AUTS2: variants seen among roughly 807,000 people sequenced by gnomAD.
The protein encoded by AUTS2 is autism susceptibility gene 2 protein.
In AUTS2, 17 loss-of-function variants were observed where a neutral mutation model predicts 112.4. The ratio of observed to expected loss-of-function variants is 0.15; its 90% CI spans 0.10 to 0.23. The LOEUF is 0.23. Ranked by LOEUF, AUTS2 falls within the 10% of genes least tolerant of loss-of-function variation. The probability of loss-of-function intolerance (pLI) is 1.00; values close to 1 mark genes in which losing one functional copy is unlikely to be tolerated. For synonymous variants in AUTS2, 751 were observed against 702.7 expected (o/e 1.07, Z -1.09); for missense variants, 1,510 against 1,701.6 (o/e 0.89, Z 1.98).
intron 4 of AUTS2, among the ~76,000 whole-genome samples, chr7:70,185,603 A>T (rs1340076830): frequency 6.6e-6 from 1 of 152,174 alleles, no homozygotes; most frequent in Non-Finnish European, 1.5e-5. Context: ...GTCACGTTTT[A>T]TGCTATTTAG....
chr7:69,921,006 T>G (rs1033323351), intron 2 of AUTS2, among the ~76,000 whole-genome samples: 2 of 152,238 alleles, frequency 1.3e-5, no homozygotes, highest in African/African-American at 4.8e-5. Flanking sequence ...TGCCATGTGT[T>G]TTTCTTGGGA....
intron 2 of AUTS2, among the ~76,000 whole-genome samples, chr7:70,004,166 ATATAAT>A (rs905964231): frequency 3.0e-5 from 4 of 131,670 alleles, no homozygotes; most frequent in African/African-American, 1.1e-4. Context: ...ATGTGAATAT[ATATAAT>A]ATGAATGTGT....
At chr7:69,672,095 T>G (rs190075629) in intron 1 of AUTS2, among the ~76,000 whole-genome samples, 1 of 152,118 alleles carries the variant, frequency 6.6e-6, no homozygotes, top group Non-Finnish European at 1.5e-5. Flanking sequence ...GTTTCATTCT[T>G]GTTGCTTAGG....
At chr7:70,292,865 C>G (rs1788770853) in intron 4 of AUTS2, 1 of 152,192 alleles carries the variant, frequency 6.6e-6, no homozygotes, top group African/African-American at 2.4e-5. Context: ...TTTCTATTAA[C>G]AGTATAAATA....
intron 1 of AUTS2, among the ~76,000 whole-genome samples, chr7:69,809,983 C>T (rs1433518784): frequency 6.6e-6 from 1 of 152,128 alleles, no homozygotes; most frequent in African/African-American, 2.4e-5. Context: ...CACATTTGAC[C>T]AGGTCATTTA....
chr7:70,507,622 C>T (rs2116723618), intron 5 of AUTS2, among the ~76,000 whole-genome samples: 1 of 152,014 alleles, frequency 6.6e-6, no homozygotes, highest in South Asian at 2.1e-4. Flanking sequence ...CATGGTGAAA[C>T]CCTGTCTCTA....
chr7:70,585,026 C>T (rs1383957337), intron 5 of AUTS2, among the ~76,000 whole-genome samples: 3 of 152,220 alleles, frequency 2.0e-5, no homozygotes, highest in Admixed American at 2.0e-4. Flanking sequence ...TCCTTTCTGG[C>T]TCCTATTTAC....
At chr7:70,137,360 T>C (rs1303313578) in intron 4 of AUTS2, among the ~76,000 whole-genome samples, 13 of 152,032 alleles carry the variant, frequency 8.6e-5, no homozygotes, top group Admixed American at 8.5e-4. Flanking sequence ...CAGCTCATAT[T>C]CTAAATATAA....
At chr7:69,635,358 A>G (rs1347679579) in intron 1 of AUTS2, among the ~76,000 whole-genome samples, 2 of 152,264 alleles carry the variant, frequency 1.3e-5, no homozygotes, top group African/African-American at 4.8e-5. Context: ...AGCACCTGCC[A>G]GTTTTAAGGG....
At chr7:70,553,064 A>C (rs1482186571) in intron 5 of AUTS2, among the ~76,000 whole-genome samples, 1 of 152,202 alleles carries the variant, frequency 6.6e-6, no homozygotes, top group East Asian at 1.9e-4. Context: ...TCTAGACCCC[A>C]GCTTACTCCT....
chr7:70,170,593 A>ATTTTT (rs1477183290), intron 4 of AUTS2, among the ~76,000 whole-genome samples: 1 of 132,484 alleles, frequency 7.5e-6, no homozygotes, highest in East Asian at 2.3e-4. Flanking sequence ...GGGACACGTT[A>ATTTTT]TCTTTTTTTT....
At chr7:70,196,826 A>G (rs1402359321) in intron 4 of AUTS2, among the ~76,000 whole-genome samples, 1 of 152,208 alleles carries the variant, frequency 6.6e-6, no homozygotes, top group Non-Finnish European at 1.5e-5. Flanking sequence ...ATTAATGGTC[A>G]GTTGCCTGTA....
At chr7:69,868,350 A>G (rs535724117) in intron 1 of AUTS2, among the ~76,000 whole-genome samples, 1 of 152,344 alleles carries the variant, frequency 6.6e-6, no homozygotes, top group Admixed American at 6.5e-5. Flanking sequence ...TGTCAAAAAC[A>G]AATGTTGAAG....
chr7:69,893,719 C>T (rs1794622058), intron 1 of AUTS2, among the ~76,000 whole-genome samples: 1 of 152,190 alleles, frequency 6.6e-6, no homozygotes, highest in African/African-American at 2.4e-5. Context: ...CGGAGACTTT[C>T]TATAACCCAC....
At chr7:70,386,148 C>G (rs1417935683) in intron 4 of AUTS2, among the ~76,000 whole-genome samples, 1 of 152,160 alleles carries the variant, frequency 6.6e-6, no homozygotes, top group Non-Finnish European at 1.5e-5. Flanking sequence ...CCAGTAGTTC[C>G]CTCAGTCTTT....
At chr7:70,313,695 G>A (rs920274152) in intron 4 of AUTS2, among the ~76,000 whole-genome samples, 7 of 152,146 alleles carry the variant, frequency 4.6e-5, no homozygotes, top group Admixed American at 1.3e-4. Context: ...CCACGGACCC[G>A]CCGGTTCCTA....
intron 5 of AUTS2, among the ~76,000 whole-genome samples, chr7:70,643,107 C>T (rs1371809710): frequency 6.6e-6 from 1 of 152,196 alleles, no homozygotes; most frequent in Non-Finnish European, 1.5e-5. Flanking sequence ...TCAGTGATTC[C>T]TCAGCCTCCA....
intron 6 of AUTS2, among the ~76,000 whole-genome samples, chr7:70,714,061 C>G (rs1014641481): frequency 2.0e-5 from 3 of 151,982 alleles, no homozygotes; most frequent in Non-Finnish European, 4.4e-5. Context: ...ATTTAAATGC[C>G]TTTTTCAATA....
At chr7:70,684,631 G>A (rs1285706442) in intron 5 of AUTS2, among the ~76,000 whole-genome samples, 2 of 150,934 alleles carry the variant, frequency 1.3e-5, no homozygotes, top group Non-Finnish European at 3.0e-5. Flanking sequence ...GGTGTGGCGT[G>A]GTATGGTGTG....
Sources: allele counts gnomAD v4.1 joint callset (sites outside exome capture counted in the v4.1 genomes callset), GRCh38; gene constraint gnomAD v4.1.1; transcripts MANE v1.5; gene names NCBI Gene and HGNC (gene_info 2026-07-23, HGNC 2026-07-21).